Variants in FAM228B observed in about 807,000 individuals in gnomAD.
FAM228B encodes family with sequence similarity 228 member B.
FAM228B carries 38 observed loss-of-function variants against 42.6 expected under a neutral mutation model. The ratio of observed to expected loss-of-function variants is 0.89; its 90% CI spans 0.69 to 1.17. FAM228B has a LOEUF of 1.17. FAM228B is among the 50% of genes most tolerant of loss of function. The pLI is 0.00. For missense variants in FAM228B, 344 were observed against 367.3 expected (o/e 0.94, Z 0.52); for synonymous variants, 109 against 122.3 (o/e 0.89, Z 0.72).
At chr2:24,135,934 C>T (rs1344908116) in intron 3 of FAM228B, among the ~76,000 whole-genome samples, 1 of 136,212 alleles carries the variant, frequency 7.3e-6, no homozygotes, top group Non-Finnish European at 1.5e-5. Context: ...TGCCTCTTTA[C>T]TCTTGCCTTT....
At position 24,095,363 on chromosome 2, in the gene FAM228B, A is replaced by G. The variant is rs1665476092; in HGVS notation, c.-121+134A>G. ...GGATTTCCCTTTCCTAGCCAAGGGA[A>G]GCCGTGACAGACTACCTGGAAAAAT... On this transcript the variant is annotated intron_variant, in intron 3 of 10. Transcript: ENST00000613899. This position sits in a 1 kb window ranked among gnomAD's most constrained non-coding sequence, Gnocchi z 4.8. 1 of 152,236 alleles carries G rather than the reference A, an allele frequency of 6.6e-6. No individual in the cohort carries two copies. Among genetic ancestry groups the G allele is most frequent in the Admixed American group, 6.5e-5 (1 of 15,288 alleles). The allele number at this position is 152,236 out of a possible 1,614,324, so 9.4% of individuals were successfully genotyped here.
chr2:24,139,516 T>C, intron 5 of FAM228B, 66 bp downstream of exon 5: 1 of 892,218 alleles, frequency 1.1e-6, no homozygotes, highest in Non-Finnish European at 1.8e-6. Context: ...AGCCCTAATA[T>C]ATGAGCAGTC....
At chr2:24,096,086 C>T (rs1417533988) in intron 3 of FAM228B, 1 of 152,116 alleles carries the variant, frequency 6.6e-6, no homozygotes, top group Non-Finnish European at 1.5e-5. Context: ...ATAGCATCAA[C>T]ATCACCAAAA....
At chr2:24,086,234 C>T (rs909804249) in intron 2 of FAM228B, among the ~76,000 whole-genome samples, 1 of 63,944 alleles carries the variant, frequency 1.6e-5, no homozygotes, top group Non-Finnish European at 3.1e-5. Context: ...GACTCCGTCT[C>T]AAAAAAAAAA....
intron 7 of FAM228B, among the ~76,000 whole-genome samples, chr2:24,152,411 A>G (rs959578793): frequency 6.6e-6 from 1 of 152,212 alleles, no homozygotes; most frequent in Non-Finnish European, 1.5e-5. Flanking sequence ...GTGTCTGAGC[A>G]TTGAAGAGTT....
intron 3 of FAM228B, among the ~76,000 whole-genome samples, chr2:24,113,202 T>C (rs535680321): frequency 6.6e-6 from 1 of 152,322 alleles, no homozygotes; most frequent in East Asian, 1.9e-4. Context: ...ACAATACATC[T>C]AAATACACTT....
intron 7 of FAM228B, among the ~76,000 whole-genome samples, chr2:24,152,240 T>C (rs1667042403): frequency 6.6e-6 from 1 of 152,276 alleles, no homozygotes; most frequent in South Asian, 2.1e-4. Flanking sequence ...CTCTGTGTTA[T>C]CATGAATTTC....
At chr2:24,138,688 GC>G (rs1650299955) in intron 4 of FAM228B, among the ~76,000 whole-genome samples, 1 of 149,824 alleles carries the variant, frequency 6.7e-6, no homozygotes, top group South Asian at 2.3e-4. Flanking sequence ...TGGGTGTGTG[GC>G]TCACACCTGT....
At chr2:24,167,381 C>T (rs1667447414) in intron 9 of FAM228B, among the ~76,000 whole-genome samples, 1 of 152,004 alleles carries the variant, frequency 6.6e-6, no homozygotes, top group South Asian at 2.1e-4. Context: ...GAGGAATAAC[C>T]GTGTTTGGGG....
intron 3 of FAM228B, among the ~76,000 whole-genome samples, chr2:24,117,940 G>T (rs1197372336): frequency 6.6e-6 from 1 of 152,186 alleles, no homozygotes; most frequent in Non-Finnish European, 1.5e-5. Context: ...AGAGCAGTGG[G>T]ATATTAATGG....
chr2:24,115,351 A>G, intron 3 of FAM228B: 1 of 526,074 alleles, frequency 1.9e-6, no homozygotes, highest in Non-Finnish European at 3.4e-6. Flanking sequence ...CTGTGAAATG[A>G]TCAGTGCTCT....
chr2:24,100,589 C>A (rs1380347292), intron 3 of FAM228B, among the ~76,000 whole-genome samples: 1 of 152,074 alleles, frequency 6.6e-6, no homozygotes, highest in Non-Finnish European at 1.5e-5. Context: ...GTTAAAATGG[C>A]AATCATTAAA....
chr2:24,091,241 G>A (rs190358718), intron 2 of FAM228B, among the ~76,000 whole-genome samples: 159 of 152,246 alleles, frequency 1.0e-3, no homozygotes, highest in Middle Eastern at 6.8e-3. Context: ...AGACCATCCT[G>A]GCTAACACGG....
At chr2:24,159,160 C>G (rs12185638) in intron 7 of FAM228B, among the ~76,000 whole-genome samples, 90,899 of 152,042 alleles carry the variant, frequency 0.6, 28,134 homozygotes, top group East Asian at 0.74. Flanking sequence ...CTCATTTTAA[C>G]CTGATAACAT....
intron 9 of FAM228B, among the ~76,000 whole-genome samples, chr2:24,165,142 T>G (rs538015957): frequency 2.0e-5 from 3 of 152,056 alleles, no homozygotes; most frequent in Non-Finnish European, 2.9e-5. Flanking sequence ...TTCTTGCATT[T>G]GAAGAGTTGA....
chr2:24,100,337 C>A (rs1244267023), intron 3 of FAM228B, among the ~76,000 whole-genome samples: 1 of 152,108 alleles, frequency 6.6e-6, no homozygotes, highest in African/African-American at 2.4e-5. Context: ...AGGCAACCTA[C>A]AGAATGGGAG....
At position 24,077,351 on chromosome 2, in the gene FAM228B, G is replaced by C. The variant is rs1224755108; in HGVS notation, c.-290+382G>C. ...CCCTCAGGTTGAGCGTCAGCTGATC[G>C]GGCCTCAGTAATCCCCGCTGCGACG... On this transcript the variant is annotated intron_variant, in intron 1 of 10. Coordinates refer to the FAM228B transcript ENST00000613899. The surrounding 1 kb of genome is among the most constrained non-coding windows in gnomAD (Gnocchi z 5.5). 10 of 422,972 alleles carry C rather than the reference G, an allele frequency of 2.4e-5. No individual in the cohort carries two copies. The highest frequency in any genetic ancestry group is 1.8e-4 in the South Asian group (4 of 22,054). The allele number at this position is 422,972 out of a possible 1,614,324, so 26.2% of individuals were successfully genotyped here.
At chr2:24,119,536 T>C, upstream of FAM228B, 4 of 1,462,220 alleles carry the variant, frequency 2.7e-6, no homozygotes, top group Non-Finnish European at 3.8e-6. Context: ...AAGACCCAAC[T>C]AACATAGGGA....
In FAM228B at chr2:24,124,498, A is replaced by G. The variant is rs1199132895; in HGVS notation, c.99+38A>G. On this transcript the variant is annotated intron_variant, in intron 2 of 10. Transcript: ENST00000615575. ...TAGTGTGGGATTTGGAGATTTTTTT[A>G]CTTGGATCGTTGCAGTAGGAAGTGG... is the stretch of plus-strand genomic sequence containing the variant. 8 of 1,368,112 alleles carry G rather than the reference A, an allele frequency of 5.8e-6. No homozygotes were observed. In the African/African-American group the frequency reaches 7.4e-5, roughly 13 times the overall value. 84.7% of individuals were successfully genotyped at this position (1,368,112 alleles called of 1,614,324 possible).
Sources: gnomAD v4.1 joint callset for allele counts (sites outside exome capture counted in the v4.1 genomes callset) on GRCh38, gnomAD v4.1.1 for gene constraint, Gnocchi (gnomAD v3.1) non-coding constraint, MANE v1.5 for transcripts, NCBI Gene and HGNC (gene_info 2026-07-23, HGNC 2026-07-21) for gene names.